The following SYT1 variants were observed in gnomAD, a reference collection of about 807,000 sequenced individuals.
The protein encoded by SYT1 is synaptotagmin-1.
Under a neutral mutation model 44.8 loss-of-function variants are expected in SYT1, and 8 were observed. The observed-to-expected ratio is 0.18, with a 90% CI of 0.10 to 0.32. The LOEUF (loss-of-function observed/expected upper bound fraction) is 0.32, where lower values mean the gene tolerates loss of function less well. Ranked by LOEUF, SYT1 falls within the 10% of genes least tolerant of loss-of-function variation. The pLI is 1.00. For synonymous variants in SYT1, 154 were observed against 188.8 expected (o/e 0.82, Z 1.51); for missense variants, 286 against 509.3 (o/e 0.56, Z 4.22).
At chr12:79,041,421 T>C (rs1565776813) in intron 2 of SYT1, among the ~76,000 whole-genome samples, 2 of 150,414 alleles carry the variant, frequency 1.3e-5, no homozygotes, top group Non-Finnish European at 3.0e-5. Context: ...TTTGGCTCTC[T>C]GTTTGTCTGT....
intron 8 of SYT1, among the ~76,000 whole-genome samples, chr12:79,345,803 T>C (rs1302461752): frequency 1.3e-5 from 2 of 152,222 alleles, no homozygotes; most frequent in Admixed American, 1.3e-4. Context: ...AACATTGTCC[T>C]TCATATAAGT....
intron 2 of SYT1, among the ~76,000 whole-genome samples, chr12:79,026,833 T>C (rs1487141145): frequency 6.6e-6 from 1 of 150,856 alleles, no homozygotes; most frequent in Non-Finnish European, 1.5e-5. Flanking sequence ...TTCCTTTGGA[T>C]TTATCAAGAC....
At chr12:79,166,768 G>A (rs1014353732) in intron 3 of SYT1, among the ~76,000 whole-genome samples, 1 of 152,044 alleles carries the variant, frequency 6.6e-6, no homozygotes, top group Non-Finnish European at 1.5e-5. Context: ...ACAAATGTTG[G>A]TTGGATTATA....
At chr12:79,232,297 A>C (rs897189692) in intron 4 of SYT1, among the ~76,000 whole-genome samples, 4 of 152,146 alleles carry the variant, frequency 2.6e-5, no homozygotes, top group Non-Finnish European at 5.9e-5. Context: ...CAGCATTACA[A>C]CTCAGAACTT....
intron 4 of SYT1, among the ~76,000 whole-genome samples, chr12:79,283,347 A>G (rs989068957): frequency 6.6e-6 from 1 of 152,188 alleles, no homozygotes; most frequent in African/African-American, 2.4e-5. Flanking sequence ...TTCAGTGGTT[A>G]TAAATTACTT....
intron 3 of SYT1, among the ~76,000 whole-genome samples, chr12:79,180,567 G>T (rs115725742): frequency 0.014 from 2,080 of 152,022 alleles, 38 homozygotes; most frequent in African/African-American, 0.047. Flanking sequence ...TAGCTTCTGA[G>T]GAGGCCTCAG....
At chr12:79,443,058 G>C (rs577676260) in intron 9 of SYT1, among the ~76,000 whole-genome samples, 2 of 152,150 alleles carry the variant, frequency 1.3e-5, no homozygotes, top group African/African-American at 4.8e-5. Context: ...TCATCCATTA[G>C]TAATGGGAGC....
chr12:79,039,626 A>AT (rs746106423), intron 2 of SYT1, among the ~76,000 whole-genome samples: 251 of 149,038 alleles, frequency 1.7e-3, no homozygotes, highest in Admixed American at 2.6e-3. Flanking sequence ...TTATTTTTTT[A>AT]TTTTTTTTAT....
intron 4 of SYT1, among the ~76,000 whole-genome samples, chr12:79,276,426 C>A (rs565085288): frequency 6.6e-6 from 1 of 151,930 alleles, no homozygotes; most frequent in South Asian, 2.1e-4. Context: ...GCCTGTAATT[C>A]CAGCACTTTG....
Position 79,004,835 on chromosome 12 carries a change from A to G in SYT1, c.-84+26904A>G, listed in dbSNP as rs1870970472. On this transcript the variant is annotated intron_variant, in intron 2 of 10. Transcript: ENST00000261205. ...AGTAACTTGCCCAGGTCACATGGTTATAAGTGATAGATCAATATAGCTAAC... is the reference window on the plus strand; with the variant it reads ...AGTAACTTGCCCAGGTCACATGGTTGTAAGTGATAGATCAATATAGCTAAC... Among the ~76,000 whole-genome samples, 3 of 152,162 alleles carry G rather than the reference A, an allele frequency of 2.0e-5. No homozygotes were observed. The South Asian group carries it at 6.2e-4, about 32-fold the overall frequency.
intron 4 of SYT1, among the ~76,000 whole-genome samples, chr12:79,269,882 A>T (rs917810928): frequency 1.3e-5 from 2 of 152,220 alleles, no homozygotes; most frequent in African/African-American, 2.4e-5. Flanking sequence ...ATTTTAGGCT[A>T]TAATGAGAAA....
intron 2 of SYT1, chr12:79,036,424 C>T (rs1054174764): frequency 7.2e-5 from 11 of 151,766 alleles, no homozygotes; most frequent in African/African-American, 2.7e-4. Context: ...TCCTTTTCCT[C>T]TACAATGAGT....
At chr12:79,217,903 A>G (rs1874913852) in intron 4 of SYT1, among the ~76,000 whole-genome samples, 1 of 146,360 alleles carries the variant, frequency 6.8e-6, no homozygotes, top group Non-Finnish European at 1.5e-5. Flanking sequence ...AGTTTACAAA[A>G]AAAAAAAAGT....
chr12:79,347,982 G>A (rs927934543), intron 8 of SYT1, among the ~76,000 whole-genome samples: 14 of 152,072 alleles, frequency 9.2e-5, no homozygotes, highest in African/African-American at 3.4e-4. Flanking sequence ...GGAGAATATT[G>A]CTGACAGAAG....
At chr12:78,911,357 T>A (rs565451122) in intron 1 of SYT1, among the ~76,000 whole-genome samples, 1 of 151,980 alleles carries the variant, frequency 6.6e-6, no homozygotes, top group Admixed American at 6.6e-5. Flanking sequence ...ATAATTTGTG[T>A]TTAGGTAGTA....
At chr12:79,288,944 A>T (rs527935639) in intron 5 of SYT1, among the ~76,000 whole-genome samples, 1 of 152,288 alleles carries the variant, frequency 6.6e-6, no homozygotes, top group East Asian at 1.9e-4. Context: ...TCTGACACAC[A>T]TCAAGAGGCT....
chr12:78,955,843 T>TGTG (rs1879187392), intron 1 of SYT1, among the ~76,000 whole-genome samples: 1 of 144,776 alleles, frequency 6.9e-6, no homozygotes, highest in African/African-American at 2.5e-5. Flanking sequence ...TGTGTGCATG[T>TGTG]AGAGAGAGAG....
chr12:78,881,225 A>G (rs904759366), intron 1 of SYT1, among the ~76,000 whole-genome samples: 9 of 151,532 alleles, frequency 5.9e-5, no homozygotes, highest in African/African-American at 2.2e-4. Context: ...GTCCCTCTCC[A>G]TGAACAACTG....
chr12:79,081,383 C>CTTT (rs375161906), intron 3 of SYT1, among the ~76,000 whole-genome samples: 1 of 141,358 alleles, frequency 7.1e-6, no homozygotes, highest in Non-Finnish European at 1.6e-5. Flanking sequence ...CACAAATTCA[C>CTTT]TTTTTTTTTT....
Sources: allele counts gnomAD v4.1 joint callset (sites outside exome capture counted in the v4.1 genomes callset), GRCh38; gene constraint gnomAD v4.1.1; transcripts MANE v1.5; gene names NCBI Gene and HGNC (gene_info 2026-07-23, HGNC 2026-07-21).